Variants in CNTN5 observed in about 807,000 individuals in gnomAD.
CNTN5 encodes the protein contactin 5.
A neutral mutation model predicts 129.1 loss-of-function variants in CNTN5; 77 were observed. That is an observed-to-expected ratio of 0.60 (90% CI 0.50 to 0.72). The LOEUF is 0.72. CNTN5 is among the 30% of genes least tolerant of loss of function. CNTN5 has a pLI of 0.00. For synonymous variants in CNTN5, 509 were observed against 465.6 expected, an observed-to-expected ratio of 1.09 and a Z score of -1.20; for missense variants, 1,478 against 1,328.8, an observed-to-expected ratio of 1.11 and a Z score of -1.75.
intron 3 of CNTN5, among the ~76,000 whole-genome samples, chr11:99,649,170 T>C (rs1427343445): frequency 6.8e-6 from 1 of 146,032 alleles, no homozygotes; most frequent in African/African-American, 2.5e-5. Context: ...ATAGAAACAA[T>C]TATTGTGAAT....
intron 8 of CNTN5, among the ~76,000 whole-genome samples, chr11:99,991,345 T>C (rs1335689692): frequency 8.0e-6 from 1 of 124,404 alleles, no homozygotes; most frequent in Non-Finnish European, 1.6e-5. Flanking sequence ...TGGGTCCCTG[T>C]AGTTCCAGCT....
intron 1 of CNTN5, among the ~76,000 whole-genome samples, chr11:99,087,947 A>T (rs1383524469): frequency 6.6e-6 from 1 of 152,200 alleles, no homozygotes; most frequent in African/African-American, 2.4e-5. Context: ...GCCTAATGCT[A>T]TGCTGTCACT....
At chr11:99,893,999 T>C (rs990781806) in intron 6 of CNTN5, among the ~76,000 whole-genome samples, 3 of 146,960 alleles carry the variant, frequency 2.0e-5, no homozygotes, top group Admixed American at 6.8e-5. Context: ...CTTGCCAGGG[T>C]TTTTTTTTTC....
At chr11:99,811,559 A>G (rs1014767975) in intron 3 of CNTN5, among the ~76,000 whole-genome samples, 1 of 151,016 alleles carries the variant, frequency 6.6e-6, no homozygotes, top group East Asian at 1.9e-4. Flanking sequence ...CTCTAAAATG[A>G]CCTTTTATTT....
At position 99,626,671 on chromosome 11, in the gene CNTN5, A is replaced by G. The variant is rs80018241; in HGVS notation, c.55+70402A>G. Among the ~76,000 whole-genome samples, 4 of 152,254 alleles carry G rather than the reference A, an allele frequency of 2.6e-5. No individual in the cohort carries two copies. In the East Asian group the frequency reaches 5.8e-4, roughly 22 times the overall value. On this transcript the variant is annotated intron_variant, in intron 3 of 24. Transcript: ENST00000524871. ...ATACTATATATGAGGATAAAGATCT[A>G]TGTAATCTAAAACATGAATCGCTGA...
chr11:99,201,688 C>T (rs1300999598), intron 1 of CNTN5, among the ~76,000 whole-genome samples: 2 of 152,046 alleles, frequency 1.3e-5, no homozygotes, highest in Non-Finnish European at 2.9e-5. Context: ...AAAGTTTAGT[C>T]AGTCAAATAA....
chr11:100,167,466 T>C (rs1947676457), intron 13 of CNTN5, among the ~76,000 whole-genome samples: 1 of 151,834 alleles, frequency 6.6e-6, no homozygotes, highest in African/African-American at 2.4e-5. Context: ...TCAATCCTCA[T>C]GTTAGACACG....
chr11:99,494,145 C>A (rs1272832551), intron 2 of CNTN5, among the ~76,000 whole-genome samples: 1 of 152,144 alleles, frequency 6.6e-6, no homozygotes, highest in Non-Finnish European at 1.5e-5. Context: ...TTCGAATTCT[C>A]CCCTGGATCT....
intron 13 of CNTN5, among the ~76,000 whole-genome samples, chr11:100,091,406 G>T (rs1248320971): frequency 1.4e-5 from 2 of 139,096 alleles, no homozygotes; most frequent in East Asian, 2.1e-4. Context: ...GTTCTTTTTG[G>T]TTTATTTTTT....
chr11:99,765,355 C>T (rs1428410979), intron 3 of CNTN5, among the ~76,000 whole-genome samples: 1 of 151,424 alleles, frequency 6.6e-6, no homozygotes, highest in Non-Finnish European at 1.5e-5. Flanking sequence ...GTTTCACTCA[C>T]TGGGGACTAA....
chr11:100,055,661 A>G (rs753416811), intron 9 of CNTN5, among the ~76,000 whole-genome samples: 1 of 151,596 alleles, frequency 6.6e-6, no homozygotes, highest in African/African-American at 2.4e-5. Flanking sequence ...GCCAGTAGAC[A>G]TGCTAATCAT....
At chr11:100,117,984 TCAACACGAAC>T (rs1945893721) in intron 13 of CNTN5, among the ~76,000 whole-genome samples, 1 of 151,786 alleles carries the variant, frequency 6.6e-6, no homozygotes, top group Admixed American at 6.6e-5. Context: ...TGTCGTGAAT[TCAACACGAAC>T]TGGGAAAATT....
intron 18 of CNTN5, among the ~76,000 whole-genome samples, chr11:100,273,147 C>T (rs546788170): frequency 2.8e-4 from 43 of 152,202 alleles, no homozygotes; most frequent in African/African-American, 8.9e-4. Flanking sequence ...GCTTGCAGGG[C>T]GCCCTCGGGA....
intron 20 of CNTN5, among the ~76,000 whole-genome samples, chr11:100,303,350 A>T (rs1951270705): frequency 6.6e-6 from 1 of 151,628 alleles, no homozygotes; most frequent in Non-Finnish European, 1.5e-5. Context: ...AAAACTGATA[A>T]AAATTAATTT....
At chr11:99,648,238 A>G (rs1477833682) in intron 3 of CNTN5, among the ~76,000 whole-genome samples, 1 of 151,916 alleles carries the variant, frequency 6.6e-6, no homozygotes, top group Non-Finnish European at 1.5e-5. Flanking sequence ...ATTGATTTGC[A>G]TATCATGAAC....
chr11:99,324,879 G>A (rs955748422), intron 1 of CNTN5, among the ~76,000 whole-genome samples: 8 of 152,108 alleles, frequency 5.3e-5, no homozygotes, highest in African/African-American at 1.9e-4. Context: ...CTGACCTCGT[G>A]ATCCGCCTGC....
intron 3 of CNTN5, among the ~76,000 whole-genome samples, chr11:99,715,983 A>T (rs610132): frequency 0.79 from 119,302 of 151,790 alleles, 47,532 homozygotes; most frequent in East Asian, 1. Context: ...AAAATAATCA[A>T]AAAATTATTA....
intron 1 of CNTN5, among the ~76,000 whole-genome samples, chr11:99,203,894 G>A (rs1048411173): frequency 5.3e-5 from 8 of 152,026 alleles, no homozygotes; most frequent in South Asian, 2.1e-4. Context: ...CACCAAGCCC[G>A]GCCTCATATA....
At chr11:100,252,359 C>T (rs547960350) in intron 16 of CNTN5, among the ~76,000 whole-genome samples, 12 of 152,168 alleles carry the variant, frequency 7.9e-5, no homozygotes, top group Middle Eastern at 3.4e-3. Context: ...TTCCATTCTG[C>T]GAGTTGTCCT....
Sources: gnomAD v4.1 joint callset for allele counts (sites outside exome capture counted in the v4.1 genomes callset) on GRCh38, gnomAD v4.1.1 for gene constraint, MANE v1.5 for transcripts, NCBI Gene and HGNC (gene_info 2026-07-23, HGNC 2026-07-21) for gene names.